Variants in EDIL3 observed in about 807,000 individuals in gnomAD.
EDIL3 encodes the protein EGF-like repeat and discoidin I-like domain-containing protein 3.
A neutral mutation model predicts 67.4 loss-of-function variants in EDIL3; 37 were observed. The ratio of observed to expected loss-of-function variants is 0.55; its 90% CI spans 0.42 to 0.72. EDIL3 has a LOEUF of 0.72. EDIL3 is among the 30% of genes least tolerant of loss of function. The pLI is 0.00. For missense variants in EDIL3, 527 were observed against 586.3 expected, an observed-to-expected ratio of 0.90 and a Z score of 1.04; for synonymous variants, 195 against 196.3, an observed-to-expected ratio of 0.99 and a Z score of 0.05.
At position 83,943,356 on chromosome 5, in the gene EDIL3, A is replaced by C. The variant is rs1263130813; in HGVS notation, c.*63T>G. On this transcript the variant is annotated 3_prime_UTR_variant, in exon 11 of 11. Transcript: ENST00000296591. The stretch of plus-strand genomic sequence containing the variant: ...ATTCAGTTTCCTACAGATTTTGCAC[A>C]GTTCATTCCATGGAGATACTTTTAG... The C allele has an allele frequency of 1.3e-6, 2 of 1,597,086 alleles. No individual in the cohort carries two copies. Among genetic ancestry groups the C allele is most frequent in the African/African-American group, 2.7e-5 (2 of 73,950 alleles).
chr5:84,285,894 C>T (rs1561245604), intron 1 of EDIL3, among the ~76,000 whole-genome samples: 1 of 152,120 alleles, frequency 6.6e-6, no homozygotes, highest in Non-Finnish European at 1.5e-5. Context: ...AGTGCCAGTG[C>T]TTTATATGGA....
chr5:84,106,975 T>G, intron 5 of EDIL3, 145 bp from the exon 6 acceptor site: 1 of 850,996 alleles, frequency 1.2e-6, no homozygotes, highest in Non-Finnish European at 1.7e-6. Context: ...ACAGATCTGT[T>G]ATCGATCTCT....
In EDIL3 at chr5:84,128,128, C is replaced by T. The variant is rs147699101; in HGVS notation, c.469+9113G>A. On this transcript the variant is annotated intron_variant, in intron 5 of 10. Transcript: ENST00000296591. ...AGTGTGCTGATTCAGTTGAAAACTG[C>T]GGCTAGGGTCACACTAGCTGTTGCT... 6.6e-4 allele frequency among the ~76,000 whole-genome samples: 101 copies of T among 152,138 alleles called. 1 individual carries two copies. In the South Asian group the frequency reaches 0.015, roughly 22 times the overall value.
intron 8 of EDIL3, 35 bp downstream of exon 8, chr5:84,064,665 A>T: frequency 6.3e-7 from 1 of 1,585,096 alleles, no homozygotes; most frequent in Admixed American, 1.8e-5. Context: ...TGTTTTCTTT[A>T]AATAGAATAC....
intron 2 of EDIL3, among the ~76,000 whole-genome samples, chr5:84,233,716 A>C (rs2112047959): frequency 6.6e-6 from 1 of 152,246 alleles, no homozygotes; most frequent in East Asian, 1.9e-4. Context: ...GTGTGTATTT[A>C]GGTGGGGAGA....
intron 1 of EDIL3, among the ~76,000 whole-genome samples, chr5:84,354,592 G>T (rs980249961): frequency 7.3e-5 from 11 of 151,534 alleles, no homozygotes; most frequent in Middle Eastern, 3.4e-3. Context: ...GGGAGGAGGA[G>T]GTTGCATTGA....
At chr5:84,319,357 G>C (rs544847052) in intron 1 of EDIL3, among the ~76,000 whole-genome samples, 1 of 110,768 alleles carries the variant, frequency 9.0e-6, no homozygotes, top group Non-Finnish European at 2.0e-5. Context: ...CCAGCTACTC[G>C]GGAGGCTGAG....
intron 5 of EDIL3, among the ~76,000 whole-genome samples, chr5:84,110,508 T>C (rs1016584600): frequency 2.6e-5 from 4 of 152,194 alleles, no homozygotes; most frequent in African/African-American, 7.2e-5. Flanking sequence ...CAACAAATGA[T>C]AGAAGATATA....
chr5:84,075,124 T>C (rs546077240), intron 6 of EDIL3, among the ~76,000 whole-genome samples: 1 of 151,440 alleles, frequency 6.6e-6, no homozygotes, highest in South Asian at 2.1e-4. Flanking sequence ...CCGCATGTTC[T>C]CACTCATAGG....
chr5:84,330,229 T>C (rs1460360663), intron 1 of EDIL3, among the ~76,000 whole-genome samples: 2 of 152,190 alleles, frequency 1.3e-5, no homozygotes, highest in Non-Finnish European at 2.9e-5. Context: ...TGCTTTCTCC[T>C]TTCAATGTAA....
At chr5:84,192,723 G>A (rs1472399162) in intron 3 of EDIL3, among the ~76,000 whole-genome samples, 3 of 151,988 alleles carry the variant, frequency 2.0e-5, no homozygotes, top group Admixed American at 2.0e-4. Flanking sequence ...AACAAAACAG[G>A]TGCACCTTCT....
chr5:84,308,893 G>A (rs183238663), intron 1 of EDIL3, among the ~76,000 whole-genome samples: 4 of 152,194 alleles, frequency 2.6e-5, no homozygotes, highest in East Asian at 1.9e-4. Context: ...TTATGATCAC[G>A]GAAGTGGCGA....
Position 84,121,526 on chromosome 5 carries a change from C to T in EDIL3, c.470-14696G>A, listed in dbSNP as rs564169459. 4.3e-5 allele frequency among the ~76,000 whole-genome samples: 6 copies of T among 139,602 alleles called. No individual in the cohort carries two copies. The South Asian group carries it at 1.4e-3, about 33-fold the overall frequency. The allele number at this position is 139,602 out of a possible 152,430, so 91.6% of individuals were successfully genotyped here. ...ACTTCCCCATTATCTGACCAGTTCA[C>T]TAACTTAGATCGATCTATCTATCTA... On this transcript the variant is annotated intron_variant, in intron 5 of 10. Transcript: ENST00000296591.
At chr5:84,110,461 A>G (rs536835645) in intron 5 of EDIL3, among the ~76,000 whole-genome samples, 1 of 152,370 alleles carries the variant, frequency 6.6e-6, no homozygotes, top group Admixed American at 6.5e-5. Flanking sequence ...ATGCTTAAAA[A>G]GAAAGATAAT....
intron 1 of EDIL3, among the ~76,000 whole-genome samples, chr5:84,315,134 T>C (rs540706332): frequency 6.6e-6 from 1 of 152,292 alleles, no homozygotes; most frequent in South Asian, 2.1e-4. Context: ...ATACCCATGA[T>C]CCAATTGAAA....
chr5:84,035,198 A>G (rs1243276700), intron 9 of EDIL3, among the ~76,000 whole-genome samples: 1 of 152,146 alleles, frequency 6.6e-6, no homozygotes, highest in Non-Finnish European at 1.5e-5. Context: ...TTTATTCTAG[A>G]CTTGATGCAA....
chr5:84,064,568 C>G, intron 8 of EDIL3, 132 bp downstream of exon 8: 1 of 1,144,070 alleles, frequency 8.7e-7, no homozygotes, highest in Non-Finnish European at 1.2e-6. Context: ...TTCCCTGAAC[C>G]ATGTTGTAGA....
Position 84,360,621 on chromosome 5 carries a change from T to C in EDIL3, c.67+23687A>G, listed in dbSNP as rs534798836. 3.9e-5 allele frequency among the ~76,000 whole-genome samples: 6 copies of C among 152,074 alleles called. No homozygotes were observed. The South Asian group carries it at 6.2e-4, about 16-fold the overall frequency. ...ACCTCCAGTATGGTAATTACCAAAA[T>C]GAAAACTGGAGTAAACATGGAAAGG... On this transcript the variant is annotated intron_variant, in intron 1 of 10. Transcript: ENST00000296591.
At chr5:83,983,792 T>C (rs1351595689) in intron 9 of EDIL3, among the ~76,000 whole-genome samples, 1 of 145,784 alleles carries the variant, frequency 6.9e-6, no homozygotes, top group Non-Finnish European at 1.5e-5. Context: ...TAAATCAAGA[T>C]AAAGAGCATG....
Sources: allele counts gnomAD v4.1 joint callset (sites outside exome capture counted in the v4.1 genomes callset), GRCh38; gene constraint gnomAD v4.1.1; transcripts MANE v1.5; gene names NCBI Gene and HGNC (gene_info 2026-07-23, HGNC 2026-07-21).